NOCT: variants seen among roughly 807,000 people sequenced by gnomAD.
The protein encoded by NOCT is CCR4 carbon catabolite repression 4-like.
A neutral mutation model predicts 35.0 loss-of-function variants in NOCT; 18 were observed. The ratio of observed to expected loss-of-function variants is 0.51; its 90% CI spans 0.36 to 0.76. The LOEUF (loss-of-function observed/expected upper bound fraction) is 0.76, where lower values mean the gene tolerates loss of function less well. Ranked by LOEUF, NOCT falls within the 30% of genes least tolerant of loss-of-function variation. The probability of loss-of-function intolerance (pLI) is 0.01; values close to 1 mark genes in which losing one functional copy is unlikely to be tolerated. For synonymous variants in NOCT, 235 were observed against 226.3 expected, an observed-to-expected ratio of 1.04 and a Z score of -0.34; for missense variants, 479 against 541.0, an observed-to-expected ratio of 0.89 and a Z score of 1.14.
chr4:139,043,290 G>GC lies in NOCT; in HGVS notation c.410dup (p.Ser138Ter). 1 of 1,614,190 alleles carries GC rather than the reference G, an allele frequency of 6.2e-7. No individual in the cohort carries two copies. The highest frequency in any genetic ancestry group is 8.5e-7 in the Non-Finnish European group (1 of 1,180,028). Reference sequence around the variant, plus strand: ...GATTTTGTGGATCTGAGGACAGATTGCCCTAGTACCCACCCACCTATCAGG... The same window carrying GC: ...GATTTTGTGGATCTGAGGACAGATTGCCCCTAGTACCCACCCACCTATCAGG... On this transcript the variant is annotated frameshift_variant, in exon 2 of 3. Coordinates refer to ENST00000280614, the MANE Select transcript of NOCT (RefSeq NM_012118.4). LOFTEE classifies it high-confidence loss of function.
At chr4:139,039,171 A>AAAAAAAG (rs1491555824) in intron 1 of NOCT, among the ~76,000 whole-genome samples, 4 of 12,238 alleles carry the variant, frequency 3.3e-4, no homozygotes, top group African/African-American at 7.5e-4. Context: ...ACTCCATTTC[A>AAAAAAAG]AAAAAAAAAA....
rs1560735335 is a variant in NOCT, at chr4:139,044,494, G to C, written c.461-145G>C. The C allele has an allele frequency of 1.2e-5, 7 of 605,660 alleles. No individual in the cohort carries two copies. In the East Asian group the frequency reaches 1.6e-4, roughly 14 times the overall value. The allele number at this position is 605,660 out of a possible 1,614,324, so 37.5% of individuals were successfully genotyped here. ...AGTGAGAGGTGATTTAGTTTGGATGGGGTAATACAGTTTGGACAGAGAGCC... is the reference window on the plus strand; with the variant it reads ...AGTGAGAGGTGATTTAGTTTGGATGCGGTAATACAGTTTGGACAGAGAGCC... On this transcript the variant is annotated intron_variant, in intron 2 of 2. Transcript: ENST00000280614.
intron 1 of NOCT, among the ~76,000 whole-genome samples, chr4:139,020,914 AAAAT>A (rs1726397208): frequency 6.6e-6 from 1 of 151,850 alleles, no homozygotes; most frequent in African/African-American, 2.4e-5. Context: ...CATTAGAAAA[AAAAT>A]AGCCAAGTGT....
In NOCT at chr4:139,027,181, C is replaced by CT. The variant is rs909897308; in HGVS notation, c.190+11021dup. Reference sequence around the variant, plus strand: ...AGGCGTGAGCCACCGCGCCCGGCCTCTTTTTTTTTTTGAGACAGGGTCTTC... The same window carrying CT: ...AGGCGTGAGCCACCGCGCCCGGCCTCTTTTTTTTTTTTGAGACAGGGTCTTC... On this transcript the variant is annotated intron_variant, in intron 1 of 2. Coordinates refer to ENST00000280614, the MANE Select transcript of NOCT (RefSeq NM_012118.4). Among the ~76,000 whole-genome samples the CT allele has an allele frequency of 2.3e-4, 22 of 93,986 alleles. 8 individuals are homozygous for CT. The highest frequency in any genetic ancestry group is 8.8e-4 in the African/African-American group (22 of 25,034). 61.7% of individuals were successfully genotyped at this position (93,986 alleles called of 152,430 possible). A position where few individuals can be genotyped will look rare whatever the true frequency, so the allele number is the denominator to read the frequency against.
rs1352124960 is a variant in NOCT at position 139,015,808 on chromosome 4, C to T, written c.-174C>T. 3 of 436,340 alleles carry T rather than the reference C, an allele frequency of 6.9e-6. No individual in the cohort carries two copies. The highest frequency in any genetic ancestry group is 9.5e-5 in the Admixed American group (2 of 21,152). 27.0% of individuals were successfully genotyped at this position (436,340 alleles called of 1,614,324 possible). A position where few individuals can be genotyped will look rare whatever the true frequency, so the allele number is the denominator to read the frequency against. ...ACGGTGCCGACGCAGCGGTGTTGCA[C>T]CTCCCTCTCCGGCTCTGCTGCCCGG... On this transcript the variant is annotated 5_prime_UTR_variant, in exon 1 of 3. Transcript: ENST00000280614.
At chr4:139,039,859 C>T (rs1433250884) in intron 1 of NOCT, among the ~76,000 whole-genome samples, 1 of 152,006 alleles carries the variant, frequency 6.6e-6, no homozygotes, top group Non-Finnish European at 1.5e-5. Context: ...TCGCGAGTAG[C>T]TGGGATTACA....
intron 1 of NOCT, among the ~76,000 whole-genome samples, chr4:139,036,161 C>T (rs1461076208): frequency 6.6e-6 from 1 of 152,130 alleles, no homozygotes; most frequent in Non-Finnish European, 1.5e-5. Flanking sequence ...ACAGAAGCTC[C>T]ATGAGGGCAG....
chr4:139,025,852 T>A (rs1726503736), intron 1 of NOCT, among the ~76,000 whole-genome samples: 1 of 152,112 alleles, frequency 6.6e-6, no homozygotes, highest in South Asian at 2.1e-4. Context: ...CTTCAAGATC[T>A]TAGGAAGGAG....
intron 1 of NOCT, among the ~76,000 whole-genome samples, chr4:139,034,778 C>T (rs1311288150): frequency 6.6e-6 from 1 of 152,104 alleles, no homozygotes; most frequent in Non-Finnish European, 1.5e-5. Flanking sequence ...TTAGGCTGAT[C>T]TCAAACTCCT....
intron 2 of NOCT, 81 bp from the exon 3 acceptor site, chr4:139,044,556 GTC>G: frequency 6.2e-6 from 5 of 800,734 alleles, no homozygotes; most frequent in Non-Finnish European, 1.0e-5. Flanking sequence ...CATTCTGAGG[GTC>G]TTGAGTGATG....
rs1354435374 is a variant in NOCT at position 139,016,658 on chromosome 4, T to G, written c.190+487T>G. On this transcript the variant is annotated intron_variant, in intron 1 of 2. Transcript: ENST00000280614. ...TTTACGTTGTTTTTTTTTTTTTTTT[T>G]TTTTTTTTTTTTTGAGATGGAGTCT... 6.5e-4 allele frequency among the ~76,000 whole-genome samples: 83 copies of G among 126,976 alleles called. 1 individual carries two copies. The highest frequency in any genetic ancestry group is 1.6e-3 in the Admixed American group (19 of 12,168). 83.3% of individuals were successfully genotyped at this position (126,976 alleles called of 152,430 possible).
intron 1 of NOCT, among the ~76,000 whole-genome samples, chr4:139,026,320 C>G (rs1269874431): frequency 1.3e-5 from 2 of 151,938 alleles, no homozygotes; most frequent in Admixed American, 1.3e-4. Flanking sequence ...AGGCTGGTCT[C>G]GAACTCCTGA....
At chr4:139,033,015 A>G (rs1412669185) in intron 1 of NOCT, among the ~76,000 whole-genome samples, 1 of 151,746 alleles carries the variant, frequency 6.6e-6, no homozygotes, top group Non-Finnish European at 1.5e-5. Context: ...CAGTGAGCCA[A>G]CATCGCGCCA....
At chr4:139,039,802 C>T (rs879280755) in intron 1 of NOCT, among the ~76,000 whole-genome samples, 83 of 151,806 alleles carry the variant, frequency 5.5e-4, no homozygotes, top group Middle Eastern at 3.4e-3. Context: ...ATCTCGGCTT[C>T]CTGCAACCTC....
chr4:139,045,609 C>G lies in NOCT; in HGVS notation c.*135C>G. The G allele has an allele frequency of 1.8e-6, 1 of 553,190 alleles. No individual in the cohort carries two copies. Among genetic ancestry groups the G allele is most frequent in the East Asian group, 3.0e-5 (1 of 33,234 alleles). The allele number at this position is 553,190 out of a possible 1,614,324, so 34.3% of individuals were successfully genotyped here. A position where few individuals can be genotyped will look rare whatever the true frequency, so the allele number is the denominator to read the frequency against. Reference sequence around the variant, plus strand: ...TCGGCTCACTGCAAGATCCGCCTCCCGGGTTCATGGCATTCTCCTGCCTCA... The same window carrying G: ...TCGGCTCACTGCAAGATCCGCCTCCGGGGTTCATGGCATTCTCCTGCCTCA... On this transcript the variant is annotated 3_prime_UTR_variant, in exon 3 of 3. Transcript: ENST00000280614.
In NOCT at chr4:139,015,893, CG is replaced by C; in HGVS notation, c.-87del. 9.2e-7 allele frequency: 1 copy of C among 1,086,122 alleles called. No homozygotes were observed. Among genetic ancestry groups the C allele is most frequent in the Non-Finnish European group, 1.2e-6 (1 of 846,580 alleles). The allele number at this position is 1,086,122 out of a possible 1,614,324, so 67.3% of individuals were successfully genotyped here. A position where few individuals can be genotyped will look rare whatever the true frequency, so the allele number is the denominator to read the frequency against. ...CCTGGGAGCATCCGCCCACACTGCC[CG>C]GACAGTCGGCTCGACTCGGTGCCCT... On this transcript the variant is annotated 5_prime_UTR_variant, in exon 1 of 3. Coordinates refer to ENST00000280614, the MANE Select transcript of NOCT (RefSeq NM_012118.4).
At chr4:139,026,767 G>A (rs957750610) in intron 1 of NOCT, among the ~76,000 whole-genome samples, 2 of 151,468 alleles carry the variant, frequency 1.3e-5, no homozygotes, top group Admixed American at 1.3e-4. Flanking sequence ...GGCCAGGCTG[G>A]TCTTGAATTC....
chr4:139,045,428 T>C lies in NOCT; in HGVS notation c.1250T>C (p.Leu417Pro). 2 of 1,612,228 alleles carry C rather than the reference T, an allele frequency of 1.2e-6. No homozygotes were observed. Among genetic ancestry groups the C allele is most frequent in the Non-Finnish European group, 1.7e-6 (2 of 1,178,566 alleles). Reference sequence around the variant, plus strand: ...AATTATCCTTCAGACCACCTGTCTCTAGTGTGTGACTTCAGCTTTACTGAG... The same window carrying C: ...AATTATCCTTCAGACCACCTGTCTCCAGTGTGTGACTTCAGCTTTACTGAG... ...SFNYPSDHLS[L>P]VCDFSFTEES... The change falls in exon 3 of 3, where the codon CTA becomes CCA. Residue 417 changes from leucine to proline, a missense_variant. Physicochemically the swap from Leu to Pro is moderately conservative, Grantham distance 98 (BLOSUM62 -3). Around this residue, in one of 2 missense-constraint regions of NOCT, gnomAD observed 214 missense variants for 284.0 expected, o/e 0.75. Coordinates refer to ENST00000280614, the MANE Select transcript of NOCT (RefSeq NM_012118.4).
At position 139,044,914 on chromosome 4, in the gene NOCT, A is replaced by G. The variant is rs1560735503; in HGVS notation, c.736A>G (p.Lys246Glu). 1.2e-6 allele frequency: 2 copies of G among 1,614,198 alleles called. No homozygotes were observed. Among genetic ancestry groups the G allele is most frequent in the Non-Finnish European group, 1.7e-6 (2 of 1,180,040 alleles). ...CTTATTTTTTCTTCAAAACCGATTC[A>G]AGCTAGTCAACAGTGCCAATATTAG... ...CALFFLQNRFKLVNSANIRLT... is the reference protein window; with the variant it reads ...CALFFLQNRFELVNSANIRLT... Residue 246 changes from lysine to glutamate, a missense_variant, in exon 3 of 3, where the codon AAG (lysine) becomes GAG (glutamate). Around this residue, in one of 2 missense-constraint regions of NOCT, gnomAD observed 214 missense variants for 284.0 expected, o/e 0.75. Transcript: ENST00000280614.
Sources: allele counts gnomAD v4.1 joint callset (sites outside exome capture counted in the v4.1 genomes callset), GRCh38; gene constraint gnomAD v4.1.1; regional missense constraint gnomAD v4.1.1; transcripts MANE v1.5; gene names NCBI Gene and HGNC (gene_info 2026-07-23, HGNC 2026-07-21).